The following CSF1R variants were observed in gnomAD, a reference collection of about 807,000 sequenced individuals.
The protein encoded by CSF1R is macrophage colony-stimulating factor 1 receptor.
Under a neutral mutation model 110.0 loss-of-function variants are expected in CSF1R, and 40 were observed. The observed-to-expected ratio is 0.36, with a 90% CI of 0.28 to 0.47. CSF1R has a LOEUF of 0.47. Among genes scored for constraint, CSF1R ranks in the 20% least tolerant of loss-of-function variants. The pLI, the probability that CSF1R is intolerant of heterozygous loss-of-function variation, is 0.99. For missense variants in CSF1R, 1,052 were observed against 1,253.0 expected, an observed-to-expected ratio of 0.84 and a Z score of 2.42; for synonymous variants, 523 against 503.4, an observed-to-expected ratio of 1.04 and a Z score of -0.52.
chr5:150,060,979 G>A lies in CSF1R; in HGVS notation c.1859-7C>T, dbSNP rs1757487493. 2 of 1,583,420 alleles carry A rather than the reference G, an allele frequency of 1.3e-6. No homozygotes were observed. Among genetic ancestry groups the A allele is most frequent in the Non-Finnish European group, 1.7e-6 (2 of 1,161,988 alleles). ...TCATCAGCATGGGCCGTGGCTGGGA[G>A]GAAGAACCACAGTCCCAAAGACAGG... On this transcript the variant is annotated splice_region_variant and splice_polypyrimidine_tract_variant and intron_variant, in intron 12 of 20. Transcript: ENST00000675795.
At chr5:150,077,999 G>T in intron 4 of CSF1R, 113 bp downstream of exon 4, 5 of 1,402,196 alleles carry the variant, frequency 3.6e-6, no homozygotes, top group Non-Finnish European at 5.0e-6. Context: ...AGTCTGAGCT[G>T]TGCCTTCAGC....
At chr5:150,078,580 C>G (rs1758387362) in intron 3 of CSF1R, among the ~76,000 whole-genome samples, 1 of 152,208 alleles carries the variant, frequency 6.6e-6, no homozygotes, top group Admixed American at 6.5e-5. Context: ...TGACCTCTTA[C>G]AAATATAAAT....
intron 6 of CSF1R, among the ~76,000 whole-genome samples, chr5:150,072,491 A>G (rs1423610428): frequency 6.6e-6 from 1 of 152,192 alleles, no homozygotes; most frequent in African/African-American, 2.4e-5. Flanking sequence ...TCCATCTAAA[A>G]AAAATAATAA....
chr5:150,084,292 T>C (rs904724844), intron 1 of CSF1R, among the ~76,000 whole-genome samples: 1 of 146,538 alleles, frequency 6.8e-6, no homozygotes, highest in Non-Finnish European at 1.5e-5. Context: ...ATCCATGCCA[T>C]TGCACTCCAG....
rs199915312 is a variant in CSF1R at position 150,057,508 on chromosome 5, C to A, written c.2217G>T (p.Glu739Asp). ...VSTSSNDSFS[E>D]QDLDKEDGRP... The stretch of plus-strand genomic sequence containing the variant: ...CTGGCCCTGGGACCTCCTCACCTTG[C>A]TCAGAGAAGGAGTCATTTGAAGAAG... The change falls in exon 15 of 21, where the codon GAG becomes GAT. Residue 739 changes from glutamate (E) to aspartate (D), a missense_variant. By Grantham distance (45) the Glu-to-Asp change is conservative. Transcript: ENST00000675795. The A allele has an allele frequency of 6.2e-7, 1 of 1,614,146 alleles. No individual in the cohort carries two copies. Among genetic ancestry groups the A allele is most frequent in the Non-Finnish European group, 8.5e-7 (1 of 1,179,958 alleles).
At chr5:150,057,409 C>T (rs764658321) in intron 15 of CSF1R, 25 bp from the exon 16 acceptor site, 1 of 1,612,252 alleles carries the variant, frequency 6.2e-7, no homozygotes, top group Non-Finnish European at 8.5e-7. Context: ...GGCGTCAGGG[C>T]AGCCCTGCCA....
chr5:150,095,193 A>G, intron 1 of CSF1R: 2 of 615,368 alleles, frequency 3.3e-6, no homozygotes, highest in Non-Finnish European at 5.6e-6. Flanking sequence ...AGATATAAAA[A>G]TCTCTTGTAA....
intron 1 of CSF1R, among the ~76,000 whole-genome samples, chr5:150,101,010 C>G (rs1328733453): frequency 2.6e-5 from 4 of 151,776 alleles, no homozygotes; most frequent in Non-Finnish European, 5.9e-5. Flanking sequence ...TGAATGGTCC[C>G]AATTCTTCAT....
intron 13 of CSF1R, among the ~76,000 whole-genome samples, 194 bp from the exon 14 acceptor site, chr5:150,060,056 G>A (rs887802467): frequency 2.0e-5 from 3 of 152,086 alleles, no homozygotes; most frequent in Non-Finnish European, 4.4e-5. Context: ...GGCGGGGCAC[G>A]GTGGCTCATG....
intron 1 of CSF1R, among the ~76,000 whole-genome samples, chr5:150,112,774 C>T (rs1413934191): frequency 6.6e-6 from 1 of 152,146 alleles, no homozygotes; most frequent in Non-Finnish European, 1.5e-5. Flanking sequence ...CCTGAGTTGG[C>T]GGCTGGGCCT....
intron 1 of CSF1R, among the ~76,000 whole-genome samples, chr5:150,102,974 G>A (rs897640394): frequency 6.6e-6 from 1 of 152,186 alleles, no homozygotes; most frequent in African/African-American, 2.4e-5. Flanking sequence ...TGTTTAGGAA[G>A]GCTGAGCCAT....
At position 150,054,292 on chromosome 5, in the gene CSF1R, G is replaced by GCCAC. The variant is rs772810741; in HGVS notation, c.2763+26_2763+29dup. 1.9e-5 allele frequency: 30 copies of GCCAC among 1,613,946 alleles called. No individual in the cohort carries two copies. The Admixed American group carries it at 4.5e-4, about 24-fold the overall frequency. On this transcript the variant is annotated intron_variant, in intron 20 of 20. Transcript: ENST00000675795. ...AGGCCCAGCCCAACGTGCTTTACCG[G>GCCAC]CCACCCACCCCAAGCCTCACCCCAC...
At chr5:150,067,293 T>C (rs1757817672) in intron 10 of CSF1R, 1 of 151,944 alleles carries the variant, frequency 6.6e-6, no homozygotes, top group Non-Finnish European at 1.5e-5. Context: ...GAGGGTAAAA[T>C]AAGATGAGTC....
In CSF1R at chr5:150,109,462, G is replaced by C. The variant is rs147651722; in HGVS notation, c.-181+3799C>G. 1.4e-3 allele frequency among the ~76,000 whole-genome samples: 209 copies of C among 152,276 alleles called. 2 individuals carry two copies. The highest frequency in any genetic ancestry group is 4.4e-3 in the Admixed American group (67 of 15,300). The stretch of plus-strand genomic sequence containing the variant: ...TGCAGCAGCACTGAATGGCACTGTG[G>C]GAAGCTTCCTGCCTTGCCAAGTCCT... On this transcript the variant is annotated intron_variant, in intron 1 of 21. Coordinates refer to the CSF1R transcript ENST00000286301.
At chr5:150,107,856 C>A (rs1443904331) in intron 1 of CSF1R, among the ~76,000 whole-genome samples, 1 of 152,208 alleles carries the variant, frequency 6.6e-6, no homozygotes, top group Non-Finnish European at 1.5e-5. Context: ...GAAGGGCATG[C>A]AACAGATATT....
chr5:150,059,965 CA>C, intron 13 of CSF1R, 103 bp from the exon 14 acceptor site: 4 of 1,333,126 alleles, frequency 3.0e-6, no homozygotes, highest in Non-Finnish European at 4.1e-6. Flanking sequence ...TTGGACTCAG[CA>C]TAGCTGAGTT....
intron 1 of CSF1R, among the ~76,000 whole-genome samples, chr5:150,085,298 A>G (rs1233183334): frequency 4.6e-5 from 7 of 150,918 alleles, no homozygotes; most frequent in Admixed American, 1.3e-4. Context: ...AAAAAACCCA[A>G]ATACTCAAGC....
In CSF1R at chr5:150,061,872, G is replaced by A. The variant is rs139725303; in HGVS notation, c.1627-23C>T. On this transcript the variant is annotated intron_variant, in intron 10 of 20. Coordinates refer to ENST00000675795, the MANE Select transcript of CSF1R (RefSeq NM_001288705.3). ...CTTCTGCAGAAGAGGAAGGGAGCACGTGGCAGTCGGGGCTGGCAGGCAGTT... is the reference window on the plus strand; with the variant it reads ...CTTCTGCAGAAGAGGAAGGGAGCACATGGCAGTCGGGGCTGGCAGGCAGTT... 4.2e-4 allele frequency: 676 copies of A among 1,613,904 alleles called. 4 individuals carry two copies. The African/African-American group carries it at 6.7e-3, about 16-fold the overall frequency.
intron 5 of CSF1R, 57 bp downstream of exon 5, chr5:150,077,219 T>C: frequency 6.2e-7 from 1 of 1,608,098 alleles, no homozygotes; most frequent in Non-Finnish European, 8.5e-7. Flanking sequence ...TCAAAACCCT[T>C]CTGCTCACAC....
Sources: gnomAD v4.1 joint callset for allele counts (sites outside exome capture counted in the v4.1 genomes callset) on GRCh38, gnomAD v4.1.1 for gene constraint, MANE v1.5 for transcripts, NCBI Gene and HGNC (gene_info 2026-07-23, HGNC 2026-07-21) for gene names.